Variants in BST1 observed in about 807,000 individuals in gnomAD.
The protein encoded by BST1 is bone marrow stromal cell antigen 1.
A neutral mutation model predicts 40.6 loss-of-function variants in BST1; 49 were observed. The observed-to-expected ratio is 1.21, with a 90% CI of 0.96 to 1.53. BST1 has a LOEUF of 1.53. Among genes scored for constraint, BST1 ranks in the 40% most tolerant of loss-of-function variants. BST1 has a pLI of 0.00. For missense variants in BST1, 423 were observed against 395.9 expected, an observed-to-expected ratio of 1.07 and a Z score of -0.58; for synonymous variants, 157 against 159.3, an observed-to-expected ratio of 0.99 and a Z score of 0.11.
intron 4 of BST1, among the ~76,000 whole-genome samples, chr4:15,714,353 T>G (rs1055741790): frequency 1.3e-5 from 2 of 152,216 alleles, no homozygotes; most frequent in Non-Finnish European, 2.9e-5. Context: ...CCAGTAGTAT[T>G]CTCAAGTGGA....
rs527292242 is a variant in BST1, at chr4:15,705,582, C to A, written c.256C>A (p.Leu86Met). The A allele has an allele frequency of 9.9e-6, 16 of 1,613,538 alleles. No homozygotes were observed. The Admixed American group carries it at 2.0e-4, about 20-fold the overall frequency. The change falls in exon 2 of 9, where the codon CTG becomes ATG. Residue 86 changes from leucine (L) to methionine (M), a missense_variant. Physicochemically the swap from Leu to Met is conservative, Grantham distance 15 (BLOSUM62 2). Coordinates refer to ENST00000265016, the MANE Select transcript of BST1 (RefSeq NM_004334.3). ...GCTGGACAAGGATCCCTGCTCCGTG[C>A]TGCCCTCAGACTATGACCTTTTTAT... is the stretch of plus-strand genomic sequence containing the variant. ...VALDKDPCSV[L>M]PSDYDLFINL...
intron 6 of BST1, 46 bp from the exon 7 acceptor site, chr4:15,718,861 C>T (rs896107545): frequency 1.6e-5 from 25 of 1,527,382 alleles, no homozygotes; most frequent in Non-Finnish European, 2.2e-5. Flanking sequence ...CTTCCTCTTC[C>T]TCCTCTTATT....
the BST1 span, among the ~76,000 whole-genome samples, chr4:15,758,362 A>T: frequency 6.6e-6 from 1 of 152,096 alleles, no homozygotes; most frequent in Non-Finnish European, 1.5e-5. Flanking sequence ...TGCACTCAAT[A>T]TTTAGCTTTC....
chr4:15,758,632 A>G, the BST1 span, among the ~76,000 whole-genome samples: 5 of 152,242 alleles, frequency 3.3e-5, no homozygotes, highest in African/African-American at 1.2e-4. Flanking sequence ...CACACTATGC[A>G]ATAGATTTCA....
At chr4:15,761,500 G>A in the BST1 span, among the ~76,000 whole-genome samples, 2 of 151,960 alleles carry the variant, frequency 1.3e-5, no homozygotes, top group African/African-American at 2.4e-5. Context: ...TTTCTTTATT[G>A]TTATCTTCCT....
At chr4:15,767,701 T>TG in the BST1 span, among the ~76,000 whole-genome samples, 3 of 145,850 alleles carry the variant, frequency 2.1e-5, no homozygotes, top group Non-Finnish European at 4.6e-5. Context: ...TATTGTTTTT[T>TG]TGGGGAAGGG....
the BST1 span, among the ~76,000 whole-genome samples, chr4:15,757,844 G>T: frequency 1.3e-5 from 2 of 152,050 alleles, no homozygotes; most frequent in African/African-American, 4.8e-5. Context: ...GTTTCTCCAT[G>T]TTGATCAGGC....
chr4:15,744,293 A>G, the BST1 span, among the ~76,000 whole-genome samples: 5,780 of 152,114 alleles, frequency 0.038, 172 homozygotes, highest in East Asian at 0.13. Context: ...GGTTTAATTG[A>G]CTCAGGGTCC....
At chr4:15,706,278 A>G (rs1165419759) in intron 2 of BST1, among the ~76,000 whole-genome samples, 3 of 152,212 alleles carry the variant, frequency 2.0e-5, no homozygotes, top group Non-Finnish European at 2.9e-5. Flanking sequence ...ACATGAGGAC[A>G]TCAGGACATG....
Position 15,722,880 on chromosome 4 carries a change from T to C in BST1, c.797T>C (p.Val266Ala). The C allele has an allele frequency of 1.2e-6, 2 of 1,613,112 alleles. No individual in the cohort carries two copies. Among genetic ancestry groups the C allele is most frequent in the Non-Finnish European group, 1.7e-6 (2 of 1,179,238 alleles). Residue 266 changes from valine (V) to alanine (A), a missense_variant, in exon 8 of 9, where the codon GTG (valine) becomes GCG (alanine). By Grantham distance (64) the Val-to-Ala change is moderately conservative. Transcript: ENST00000265016. ...QYSCINDYRPVKLLQCVDHST... is the reference protein window; with the variant it reads ...QYSCINDYRPAKLLQCVDHST... ...ATATTATTTTCTTTCTGTAGACCAGTGAAGCTCTTACAGTGCGTGGACCAC... is the reference window on the plus strand; with the variant it reads ...ATATTATTTTCTTTCTGTAGACCAGCGAAGCTCTTACAGTGCGTGGACCAC...
the BST1 span, among the ~76,000 whole-genome samples, chr4:15,745,242 T>C: frequency 6.6e-6 from 1 of 152,158 alleles, no homozygotes; most frequent in East Asian, 1.9e-4. Flanking sequence ...TCATATAAAA[T>C]TACATATTAT....
chr4:15,756,380 C>T, the BST1 span, among the ~76,000 whole-genome samples: 3 of 152,122 alleles, frequency 2.0e-5, no homozygotes, highest in Non-Finnish European at 2.9e-5. Context: ...CATTTTCAAT[C>T]GTGGTTTGTG....
intron 1 of BST1, among the ~76,000 whole-genome samples, chr4:15,703,958 G>T (rs1719722100): frequency 6.9e-6 from 1 of 145,364 alleles, no homozygotes; most frequent in African/African-American, 2.6e-5. Context: ...GTGTGTTCTA[G>T]AAGTGAGGGG....
At chr4:15,736,394 C>A (rs1409930647), downstream of BST1, among the ~76,000 whole-genome samples, 1 of 152,016 alleles carries the variant, frequency 6.6e-6, no homozygotes, top group Non-Finnish European at 1.5e-5. Flanking sequence ...CCAAGGTGGG[C>A]AGATCACTTG....
the BST1 span, among the ~76,000 whole-genome samples, chr4:15,763,398 T>C: frequency 1.8e-4 from 28 of 151,830 alleles, 1 homozygote; most frequent in Non-Finnish European, 3.4e-4. Flanking sequence ...TTAATATTAA[T>C]GCCATTTATT....
Position 15,715,721 on chromosome 4 carries a change from A to G in BST1, c.626A>G (p.Tyr209Cys), listed in dbSNP as rs775573358. 59 of 1,597,300 alleles carry G rather than the reference A, an allele frequency of 3.7e-5. No individual in the cohort carries two copies. Among genetic ancestry groups the G allele is most frequent in the Non-Finnish European group, 4.9e-5 (58 of 1,173,798 alleles). ...ATGTTTCTCAGTTTTTTTGCAGATT[A>G]TGAAATTCCAAACCTCCAGAAGGAA... ...AYPIKGFFAD[Y>C]EIPNLQKEKI... is the part of the protein sequence containing the mutation. Residue 209 changes from tyrosine (Y) to cysteine (C), a missense_variant, in exon 6 of 9, where the codon TAT (tyrosine) becomes TGT (cysteine). Transcript: ENST00000265016.
chr4:15,769,548 A>T, the BST1 span, among the ~76,000 whole-genome samples: 1 of 151,924 alleles, frequency 6.6e-6, no homozygotes, highest in Non-Finnish European at 1.5e-5. Context: ...AGGCTCAAAG[A>T]GCTAGTGGGG....
chr4:15,731,572 T>G (rs1721374286), intron 8 of BST1, 168 bp from the exon 9 acceptor site: 1 of 1,076,068 alleles, frequency 9.3e-7, no homozygotes, highest in Non-Finnish European at 1.4e-6. Context: ...CTGGTTTCGG[T>G]GCAGGACTTC....
chr4:15,725,874 A>C (rs1721076134), intron 8 of BST1, among the ~76,000 whole-genome samples: 1 of 149,456 alleles, frequency 6.7e-6, no homozygotes, highest in Non-Finnish European at 1.5e-5. Context: ...GCTCTTCAAA[A>C]CCCTCATGTG....
Sources: gnomAD v4.1 joint callset for allele counts (sites outside exome capture counted in the v4.1 genomes callset) on GRCh38, gnomAD v4.1.1 for gene constraint, MANE v1.5 for transcripts, NCBI Gene and HGNC (gene_info 2026-07-23, HGNC 2026-07-21) for gene names.